The following MEF2D variants were observed in gnomAD, a reference collection of about 807,000 sequenced individuals.
The protein encoded by MEF2D is myocyte enhancer factor 2D, also known as myocyte-specific enhancer factor 2D.
A neutral mutation model predicts 59.3 loss-of-function variants in MEF2D; 10 were observed. The observed-to-expected ratio is 0.17, with a 90% CI of 0.10 to 0.29. The LOEUF is 0.29. MEF2D is among the 10% of genes least tolerant of loss of function. MEF2D has a pLI of 1.00. For missense variants in MEF2D, 508 were observed against 699.4 expected, an observed-to-expected ratio of 0.73 and a Z score of 3.09; for synonymous variants, 305 against 295.0, an observed-to-expected ratio of 1.03 and a Z score of -0.35.
intron 1 of MEF2D, among the ~76,000 whole-genome samples, chr1:156,493,183 G>A (rs184166062): frequency 6.6e-6 from 1 of 152,312 alleles, no homozygotes; most frequent in East Asian, 1.9e-4. Flanking sequence ...AAGAGAGAGG[G>A]GAAAGAGTCC....
At chr1:156,492,182 G>A (rs1373296105) in intron 1 of MEF2D, among the ~76,000 whole-genome samples, 6 of 152,252 alleles carry the variant, frequency 3.9e-5, no homozygotes, top group East Asian at 1.9e-4. Flanking sequence ...AGGTTGGGGC[G>A]GCAGCAGCAG....
intron 1 of MEF2D, among the ~76,000 whole-genome samples, chr1:156,484,663 T>G (rs958298926): frequency 6.6e-6 from 1 of 152,180 alleles, no homozygotes; most frequent in African/African-American, 2.4e-5. Context: ...ACCTGCTGTC[T>G]CAGGACACCT....
intron 1 of MEF2D, among the ~76,000 whole-genome samples, chr1:156,485,939 T>A (rs1672331445): frequency 1.3e-5 from 2 of 150,860 alleles, no homozygotes; most frequent in African/African-American, 4.9e-5. Flanking sequence ...AACCTCTGCC[T>A]CCCGGGTTCA....
Position 156,468,665 on chromosome 1 carries a change from G to T in MEF2D, c.1247+115C>A. On this transcript the variant is annotated intron_variant, in intron 10 of 11. Transcript: ENST00000348159. This position sits in a 1 kb window ranked among gnomAD's most constrained non-coding sequence, Gnocchi z 4.3. ...TGCCTAACAGACTGTGCAGTGCACA[G>T]CCTCATAGGATGTCCACTAGAACCC... is the stretch of plus-strand genomic sequence containing the variant. 6.7e-7 allele frequency: 1 copy of T among 1,487,342 alleles called. No homozygotes were observed. The highest frequency in any genetic ancestry group is 9.1e-7 in the Non-Finnish European group (1 of 1,099,012). 92.1% of individuals were successfully genotyped at this position (1,487,342 alleles called of 1,614,324 possible).
chr1:156,494,647 C>G (rs1673024072), intron 1 of MEF2D, among the ~76,000 whole-genome samples: 1 of 152,224 alleles, frequency 6.6e-6, no homozygotes, highest in Non-Finnish European at 1.5e-5. Flanking sequence ...CAGTCCTGGG[C>G]CAGGCTGGGG....
rs951263394 is a variant in MEF2D at position 156,479,453 on chromosome 1, C to A, written c.608-107G>T. ...ACCCCAGGAGGAAGAGTCATACTCC[C>A]TTCCCTCAGGAGCCATACAAATGGC... On this transcript the variant is annotated intron_variant, in intron 5 of 11. Coordinates refer to ENST00000348159, the MANE Select transcript of MEF2D (RefSeq NM_005920.4). The A allele has an allele frequency of 2.0e-6, 3 of 1,483,528 alleles. No individual in the cohort carries two copies. In the African/African-American group the frequency reaches 4.2e-5, roughly 21 times the overall value. The allele number at this position is 1,483,528 out of a possible 1,614,324, so 91.9% of individuals were successfully genotyped here. A position where few individuals can be genotyped will look rare whatever the true frequency, so the allele number is the denominator to read the frequency against.
chr1:156,485,706 T>C (rs1467351026), intron 1 of MEF2D, among the ~76,000 whole-genome samples: 1 of 151,324 alleles, frequency 6.6e-6, no homozygotes, highest in African/African-American at 2.4e-5. Flanking sequence ...AATTTCTTTT[T>C]TTTTTTTTTG....
At chr1:156,492,450 A>C (rs967557113) in intron 1 of MEF2D, among the ~76,000 whole-genome samples, 1 of 152,328 alleles carries the variant, frequency 6.6e-6, no homozygotes, top group Non-Finnish European at 1.5e-5. Flanking sequence ...ATGCCAACCA[A>C]TGGGAGCTGC....
At chr1:156,500,180 CCCTACA>C (rs1673401590) in intron 1 of MEF2D, among the ~76,000 whole-genome samples, 1 of 152,154 alleles carries the variant, frequency 6.6e-6, no homozygotes, top group Non-Finnish European at 1.5e-5. Flanking sequence ...GTCGTAAACC[CCCTACA>C]CGAACAGGCG....
rs1347783235 is a variant in MEF2D, at chr1:156,480,499, T to C, written c.396+335A>G. The C allele has an allele frequency of 1.8e-5, 15 of 821,598 alleles. No homozygotes were observed. In the Admixed American group the frequency reaches 2.2e-4, roughly 12 times the overall value. The allele number at this position is 821,598 out of a possible 1,614,324, so 50.9% of individuals were successfully genotyped here. A position where few individuals can be genotyped will look rare whatever the true frequency, so the allele number is the denominator to read the frequency against. On this transcript the variant is annotated intron_variant, in intron 4 of 11. Transcript: ENST00000348159. The stretch of plus-strand genomic sequence containing the variant: ...GAGTCTCAGCAGGGATGCGGGTTTA[T>C]CATGACCAAGGTCAGAGGTTCCTCA...
chr1:156,488,801 G>C (rs911450057), intron 1 of MEF2D, among the ~76,000 whole-genome samples: 2 of 152,162 alleles, frequency 1.3e-5, no homozygotes, highest in African/African-American at 2.4e-5. Flanking sequence ...GGAGAGGTCA[G>C]GGTAGCCTCC....
intron 4 of MEF2D, 119 bp from the exon 5 acceptor site, chr1:156,479,915 G>T: frequency 2.1e-6 from 2 of 946,198 alleles, no homozygotes; most frequent in Non-Finnish European, 3.2e-6. Context: ...CCTAGGGCCA[G>T]CAGTTCAAGC....
At chr1:156,491,457 T>A (rs151057150) in intron 1 of MEF2D, among the ~76,000 whole-genome samples, 152 of 152,322 alleles carry the variant, frequency 1.0e-3, no homozygotes, top group Non-Finnish European at 1.6e-3. Flanking sequence ...ATGAGGGCGC[T>A]AGAAGACAGT....
intron 3 of MEF2D, 35 bp from the exon 4 acceptor site, chr1:156,481,006 G>A (rs1421281833): frequency 6.2e-7 from 1 of 1,610,480 alleles, no homozygotes; most frequent in Non-Finnish European, 8.5e-7. Context: ...CTGGGTGAGA[G>A]TCCTTCCCGC....
intron 1 of MEF2D, among the ~76,000 whole-genome samples, chr1:156,490,094 AGTG>A (rs1298674049): frequency 6.6e-6 from 1 of 152,138 alleles, no homozygotes; most frequent in African/African-American, 2.4e-5. Context: ...TCACAAAAGA[AGTG>A]GGGGGCATTA....
intron 1 of MEF2D, among the ~76,000 whole-genome samples, chr1:156,494,135 A>T (rs1411973916): frequency 2.0e-5 from 3 of 152,044 alleles, no homozygotes; most frequent in African/African-American, 4.8e-5. Flanking sequence ...CAAAAGCACA[A>T]TACACACATG....
At chr1:156,480,784 G>T (rs766836435) in intron 4 of MEF2D, 50 bp downstream of exon 4, 2 of 1,596,680 alleles carry the variant, frequency 1.3e-6, no homozygotes, top group Non-Finnish European at 1.7e-6. Flanking sequence ...GCGCCTGGGG[G>T]GAAGGGGCCG....
At chr1:156,499,334 C>T (rs1022146503) in intron 1 of MEF2D, 1 of 152,356 alleles carries the variant, frequency 6.6e-6, no homozygotes, top group Admixed American at 6.5e-5. Context: ...CAAAGAGGGA[C>T]ACAGGATCCC....
chr1:156,488,401 G>A (rs751323016), intron 1 of MEF2D, among the ~76,000 whole-genome samples: 3 of 152,158 alleles, frequency 2.0e-5, no homozygotes, highest in Non-Finnish European at 4.4e-5. Context: ...TGTGGAGAAG[G>A]GTGGCTGAGG....
Sources: allele counts gnomAD v4.1 joint callset (sites outside exome capture counted in the v4.1 genomes callset), GRCh38; gene constraint gnomAD v4.1.1; non-coding constraint Gnocchi (gnomAD v3.1); transcripts MANE v1.5; gene names NCBI Gene and HGNC (gene_info 2026-07-23, HGNC 2026-07-21).